TET3: variants seen among roughly 807,000 people sequenced by gnomAD.
The protein encoded by TET3 is tet methylcytosine dioxygenase 3.
TET3 carries 19 observed loss-of-function variants against 141.4 expected under a neutral mutation model. The observed-to-expected ratio is 0.13, with a 90% CI of 0.09 to 0.20. TET3 has a LOEUF of 0.20. Ranked by LOEUF, TET3 falls within the 10% of genes least tolerant of loss-of-function variation. The pLI, the probability that TET3 is intolerant of heterozygous loss-of-function variation, is 1.00. For synonymous variants in TET3, 1,043 were observed against 980.9 expected (o/e 1.06, Z -1.18); for missense variants, 1,874 against 2,356.9 (o/e 0.80, Z 4.24).
chr2:74,023,505 A>G (rs931609929), intron 3 of TET3, among the ~76,000 whole-genome samples: 1 of 152,186 alleles, frequency 6.6e-6, no homozygotes, highest in African/African-American at 2.4e-5. Context: ...GGCCTCCCAA[A>G]GTGCTGAGAT....
chr2:74,066,769 C>A (rs181174927), intron 4 of TET3, among the ~76,000 whole-genome samples: 2 of 152,276 alleles, frequency 1.3e-5, no homozygotes, highest in African/African-American at 2.4e-5. Context: ...TGTTTTCCAG[C>A]TATTGGGATG....
rs1264314506 is a variant in TET3 at position 74,101,635 on chromosome 2, C to T, written c.4847C>T (p.Pro1616Leu). ...FSLEEGPAEE[P>L]PSKGAVKEEK... Reference sequence around the variant, plus strand: ...CTGGAGGAGGGGCCGGCTGAGGAGCCCCCCAGCAAGGGAGCGGTGAAGGAG... The same window carrying T: ...CTGGAGGAGGGGCCGGCTGAGGAGCTCCCCAGCAAGGGAGCGGTGAAGGAG... The change falls in exon 12 of 12, where the codon CCC becomes CTC. Residue 1616 changes from proline to leucine, a missense_variant. Pro to Leu is a moderately conservative substitution (Grantham distance 98). This residue lies in a region of TET3 where 602 missense variants were observed against 590.2 expected (regional missense o/e 1.02). Transcript: ENST00000409262. This position sits in a 1 kb window ranked among gnomAD's most constrained non-coding sequence, Gnocchi z 8.5. The T allele has an allele frequency of 6.2e-7, 1 of 1,613,392 alleles. No individual in the cohort carries two copies. The highest frequency in any genetic ancestry group is 8.5e-7 in the Non-Finnish European group (1 of 1,179,712).
chr2:74,131,797 C>T, the TET3 span, among the ~76,000 whole-genome samples: 1 of 152,050 alleles, frequency 6.6e-6, no homozygotes. Context: ...ACATCCGATG[C>T]AATGCTATAC....
chr2:74,069,135 G>A (rs1470039995), intron 4 of TET3, among the ~76,000 whole-genome samples: 1 of 141,492 alleles, frequency 7.1e-6, no homozygotes, highest in East Asian at 1.9e-4. Context: ...TCTAGCACGT[G>A]TATAGTTTAA....
chr2:74,043,357 T>C (rs1687445929), intron 3 of TET3, among the ~76,000 whole-genome samples: 1 of 152,204 alleles, frequency 6.6e-6, no homozygotes, highest in Non-Finnish European at 1.5e-5. Context: ...GCCTTTCCTT[T>C]GCCTGAGTGT....
intron 6 of TET3, among the ~76,000 whole-genome samples, chr2:74,081,469 C>T (rs1689820164): frequency 6.6e-6 from 1 of 152,194 alleles, no homozygotes; most frequent in Non-Finnish European, 1.5e-5. Context: ...AGACTTGATG[C>T]TGTGGTTCAG....
intron 4 of TET3, among the ~76,000 whole-genome samples, chr2:74,059,874 C>T (rs1688410767): frequency 1.3e-5 from 2 of 152,196 alleles, no homozygotes; most frequent in African/African-American, 2.4e-5. Context: ...CGTTCATTCT[C>T]ATAGCTGTAC....
At chr2:74,095,828 T>C (rs1489087700) in intron 10 of TET3, among the ~76,000 whole-genome samples, 2 of 152,224 alleles carry the variant, frequency 1.3e-5, no homozygotes, top group Non-Finnish European at 2.9e-5. Context: ...ATTTGTGCAG[T>C]GGCGCAGTAA....
chr2:74,097,895 C>G (rs983061498), intron 10 of TET3, among the ~76,000 whole-genome samples: 2 of 151,968 alleles, frequency 1.3e-5, no homozygotes, highest in African/African-American at 4.8e-5. Context: ...ATTAAGTAGC[C>G]CTGGGAGGGG....
In TET3 at chr2:74,063,320, A is replaced by G. The variant is rs144033292; in HGVS notation, c.2495-10229A>G. Among the ~76,000 whole-genome samples the G allele has an allele frequency of 5.1e-3, 780 of 152,254 alleles. 8 individuals are homozygous for G. The highest frequency in any genetic ancestry group is 7.0e-3 in the Non-Finnish European group (473 of 68,022). ...GTAAGAGCAAGAGCCAGGTCTTGCC[A>G]TTATAAAGTTATGTTTTCCCCTTTG... is the stretch of plus-strand genomic sequence containing the variant. On this transcript the variant is annotated intron_variant, in intron 4 of 11. Transcript: ENST00000409262.
chr2:74,055,201 C>A, intron 4 of TET3, among the ~76,000 whole-genome samples: 1 of 152,048 alleles, frequency 6.6e-6, no homozygotes. Flanking sequence ...TGCCTGGCCG[C>A]GTGTTGTATT....
chr2:74,108,671 T>C (rs114598493), downstream of TET3, among the ~76,000 whole-genome samples: 49 of 152,370 alleles, frequency 3.2e-4, no homozygotes, highest in African/African-American at 1.2e-3. Flanking sequence ...CCTTCTTTAA[T>C]TCAAATTGCC....
rs780898400 is a variant in TET3 at position 74,100,806 on chromosome 2, C to T, written c.4018C>T (p.Leu1340=). The T allele has an allele frequency of 3.7e-6, 6 of 1,612,706 alleles. No homozygotes were observed. The highest frequency in any genetic ancestry group is 5.1e-6 in the Non-Finnish European group (6 of 1,179,524). The change falls in exon 12 of 12, where the codon CTG becomes TTG. Residue 1340 remains leucine, a synonymous_variant. Coordinates refer to ENST00000409262, the MANE Select transcript of TET3 (RefSeq NM_001287491.2). ...CTACGGTGGTGCTGAGTTTGCCGAG[C>T]TGCCCAGCCAGGCTGTTCCCACAGA... ...PAYGGAEFAE[L]PSQAVPTDAH...
rs1691432537 is a variant in TET3 at position 74,105,276 on chromosome 2, A to G, written c.*3100A>G. 2.5e-6 allele frequency: 1 copy of G among 398,630 alleles called. No homozygotes were observed. Among genetic ancestry groups the G allele is most frequent in the Admixed American group, 4.4e-5 (1 of 22,734 alleles). 24.7% of individuals were successfully genotyped at this position (398,630 alleles called of 1,614,324 possible). A position where few individuals can be genotyped will look rare whatever the true frequency, so the allele number is the denominator to read the frequency against. The stretch of plus-strand genomic sequence containing the variant: ...TCCCCAGTGTGCCCTGTCCACGGAC[A>G]CCATCCACGTGCAGTGCAAACATTT... On this transcript the variant is annotated 3_prime_UTR_variant, in exon 12 of 12. Transcript: ENST00000409262.
At chr2:74,114,185 C>T in the TET3 span, among the ~76,000 whole-genome samples, 1 of 152,026 alleles carries the variant, frequency 6.6e-6, no homozygotes, top group African/African-American at 2.4e-5. Flanking sequence ...GCAAAGATGC[C>T]AAGAATACTC....
chr2:74,124,061 G>A, the TET3 span, among the ~76,000 whole-genome samples: 4 of 149,290 alleles, frequency 2.7e-5, no homozygotes, highest in African/African-American at 7.4e-5. Context: ...CCCTCCGCCC[G>A]GCAGCCGCCC....
At chr2:74,129,336 A>C in the TET3 span, among the ~76,000 whole-genome samples, 1 of 149,328 alleles carries the variant, frequency 6.7e-6, no homozygotes, top group Non-Finnish European at 1.5e-5. Flanking sequence ...AAAAAAAAAA[A>C]AAAAAAAAAA....
chr2:73,986,345 G>A lies in TET3; in HGVS notation c.-59G>A. 3 of 1,227,482 alleles carry A rather than the reference G, an allele frequency of 2.4e-6. No individual in the cohort carries two copies. The East Asian group carries it at 9.5e-5, about 39-fold the overall frequency. The allele number at this position is 1,227,482 out of a possible 1,614,324, so 76.0% of individuals were successfully genotyped here. On this transcript the variant is annotated 5_prime_UTR_variant, in exon 2 of 12. In the 5' UTR this introduces an upstream ATG that the reference lacks. Coordinates refer to ENST00000409262, the MANE Select transcript of TET3 (RefSeq NM_001287491.2). ...AAGGACCTGTTGGTGGCCTTTGGAG[G>A]TGGCAGGAAACGACTGTGGTTCTGC...
chr2:74,038,366 A>G (rs1573757358), intron 3 of TET3, among the ~76,000 whole-genome samples: 1 of 152,024 alleles, frequency 6.6e-6, no homozygotes, highest in Non-Finnish European at 1.5e-5. Flanking sequence ...ATGGGAACAC[A>G]CCTCCAACTT....
Sources: gnomAD v4.1 joint callset for allele counts (sites outside exome capture counted in the v4.1 genomes callset) on GRCh38, gnomAD v4.1.1 for gene constraint, gnomAD v4.1.1 regional missense constraint, Gnocchi (gnomAD v3.1) non-coding constraint, MANE v1.5 for transcripts, NCBI Gene and HGNC (gene_info 2026-07-23, HGNC 2026-07-21) for gene names.